KCNJ3: variants seen among roughly 807,000 people sequenced by gnomAD.
KCNJ3 encodes the protein G protein-activated inward rectifier potassium channel 1.
A neutral mutation model predicts 39.2 loss-of-function variants in KCNJ3; 4 were observed. The ratio of observed to expected loss-of-function variants is 0.10; its 90% CI spans 0.05 to 0.23. The LOEUF is 0.23. Ranked by LOEUF, KCNJ3 falls within the 10% of genes least tolerant of loss-of-function variation. The pLI, the probability that KCNJ3 is intolerant of heterozygous loss-of-function variation, is 1.00. For synonymous variants in KCNJ3, 230 were observed against 237.4 expected (o/e 0.97, Z 0.29); for missense variants, 276 against 634.9 (o/e 0.43, Z 6.08).
intron 2 of KCNJ3, among the ~76,000 whole-genome samples, chr2:154,744,204 A>T (rs4525644): frequency 6.6e-6 from 1 of 151,254 alleles, no homozygotes; most frequent in African/African-American, 2.4e-5. Context: ...CTTGGTTATG[A>T]TGTATAGTTC....
At chr2:154,835,564 T>C (rs551859334) in intron 2 of KCNJ3, among the ~76,000 whole-genome samples, 17 of 151,128 alleles carry the variant, frequency 1.1e-4, no homozygotes, top group Non-Finnish European at 2.2e-4. Flanking sequence ...TACCTGTGGA[T>C]AAGTTTGGCC....
At chr2:154,742,274 T>G (rs891698757) in intron 2 of KCNJ3, among the ~76,000 whole-genome samples, 3 of 151,870 alleles carry the variant, frequency 2.0e-5, no homozygotes, top group African/African-American at 7.2e-5. Context: ...ATTTTGCTTG[T>G]CTGTTGATAG....
At position 154,699,721 on chromosome 2, in the gene KCNJ3, C is replaced by T. The variant is rs1298895907; in HGVS notation, c.702+244C>T. The T allele has an allele frequency of 5.2e-6, 1 of 191,546 alleles. No homozygotes were observed. The highest frequency in any genetic ancestry group is 2.4e-5 in the African/African-American group (1 of 42,102). The allele number at this position is 191,546 out of a possible 1,614,324, so 11.9% of individuals were successfully genotyped here. On this transcript the variant is annotated intron_variant, in intron 1 of 2. Coordinates refer to ENST00000295101, the MANE Select transcript of KCNJ3 (RefSeq NM_002239.4). This position sits in a 1 kb window ranked among gnomAD's most constrained non-coding sequence, Gnocchi z 6.4. The stretch of plus-strand genomic sequence containing the variant: ...ATTTCGGATCTGCTTGTATCACTTA[C>T]TGGACTAGTAACACGTGAGGACTGC...
At chr2:154,794,876 A>T (rs201698704) in intron 2 of KCNJ3, among the ~76,000 whole-genome samples, 1 of 152,036 alleles carries the variant, frequency 6.6e-6, no homozygotes, top group East Asian at 1.9e-4. Flanking sequence ...AGTACTGAAC[A>T]TCCTTAAAAG....
chr2:154,736,115 T>TG (rs1685524364), intron 2 of KCNJ3, among the ~76,000 whole-genome samples: 1 of 152,094 alleles, frequency 6.6e-6, no homozygotes, highest in African/African-American at 2.4e-5. Flanking sequence ...TAATTATTCT[T>TG]GGAGTTTCTG....
chr2:154,736,374 TAAAAAAAAAAAAAAAAAAAAAAAAAA>T (rs70983745), intron 2 of KCNJ3, among the ~76,000 whole-genome samples: 5 of 93,240 alleles, frequency 5.4e-5, no homozygotes, highest in East Asian at 4.2e-4. Flanking sequence ...TCACTAGTTC[TAAAAAAAAAAAAAAAAAAAAAAAAAA>T]AAAAAAAAAA....
At chr2:154,721,123 A>T (rs781428695) in intron 2 of KCNJ3, among the ~76,000 whole-genome samples, 4 of 151,860 alleles carry the variant, frequency 2.6e-5, no homozygotes, top group Non-Finnish European at 5.9e-5. Flanking sequence ...TGTTAAACTC[A>T]TATGATTTAT....
chr2:154,747,482 T>A (rs1057348789), intron 2 of KCNJ3, among the ~76,000 whole-genome samples: 1 of 152,014 alleles, frequency 6.6e-6, no homozygotes, highest in Non-Finnish European at 1.5e-5. Flanking sequence ...TTTGTTAGTG[T>A]GGACCCATTA....
intron 2 of KCNJ3, among the ~76,000 whole-genome samples, chr2:154,710,250 A>G (rs558068533): frequency 5.9e-5 from 9 of 152,210 alleles, no homozygotes; most frequent in Non-Finnish European, 7.4e-5. Context: ...GATATCCACT[A>G]TGTGCAACCT....
intron 2 of KCNJ3, among the ~76,000 whole-genome samples, chr2:154,727,712 T>C (rs1685384377): frequency 6.6e-6 from 1 of 151,862 alleles, no homozygotes; most frequent in South Asian, 2.1e-4. Context: ...AAAAAATTGC[T>C]TAGATTGAAA....
Position 154,855,384 on chromosome 2 carries a change from C to A in KCNJ3, c.*71C>A. On this transcript the variant is annotated 3_prime_UTR_variant, in exon 3 of 3. Coordinates refer to ENST00000295101, the MANE Select transcript of KCNJ3 (RefSeq NM_002239.4). Reference sequence around the variant, plus strand: ...TCCAATATTTGGCGATGAGGTAATTCTCCCTAAGGAATCTGAAAGTATATT... The same window carrying A: ...TCCAATATTTGGCGATGAGGTAATTATCCCTAAGGAATCTGAAAGTATATT... 1 of 1,007,128 alleles carries A rather than the reference C, an allele frequency of 9.9e-7. No homozygotes were observed. Among genetic ancestry groups the A allele is most frequent in the Non-Finnish European group, 1.4e-6 (1 of 692,942 alleles). The allele number at this position is 1,007,128 out of a possible 1,614,324, so 62.4% of individuals were successfully genotyped here.
intron 2 of KCNJ3, among the ~76,000 whole-genome samples, chr2:154,752,495 AT>A (rs1685863814): frequency 1.3e-5 from 2 of 152,066 alleles, no homozygotes; most frequent in South Asian, 4.1e-4. Context: ...ACAAAACTCT[AT>A]AAGCTAGTAA....
chr2:154,804,691 A>T (rs974475599), intron 2 of KCNJ3, among the ~76,000 whole-genome samples: 1 of 152,148 alleles, frequency 6.6e-6, no homozygotes, highest in African/African-American at 2.4e-5. Context: ...GTATTGACAG[A>T]TACTCCAAGA....
intron 2 of KCNJ3, among the ~76,000 whole-genome samples, chr2:154,731,988 T>C (rs1037228180): frequency 6.6e-6 from 1 of 152,006 alleles, no homozygotes; most frequent in African/African-American, 2.4e-5. Context: ...ACACCTTTTG[T>C]TTACTCACAC....
chr2:154,795,973 G>A (rs1686712812), intron 2 of KCNJ3, among the ~76,000 whole-genome samples: 2 of 152,060 alleles, frequency 1.3e-5, no homozygotes, highest in Admixed American at 6.6e-5. Context: ...TTGTAGAATA[G>A]TTCACAGAAT....
intron 2 of KCNJ3, among the ~76,000 whole-genome samples, chr2:154,730,721 G>A (rs1407388385): frequency 6.6e-6 from 1 of 151,858 alleles, no homozygotes; most frequent in Non-Finnish European, 1.5e-5. Context: ...AAATTTTATT[G>A]TAACCTTAAT....
intron 2 of KCNJ3, among the ~76,000 whole-genome samples, chr2:154,842,635 G>A (rs1687593808): frequency 6.6e-6 from 1 of 152,194 alleles, no homozygotes; most frequent in African/African-American, 2.4e-5. Context: ...TGTATTGGGT[G>A]CATATATATT....
chr2:154,751,639 G>C lies in KCNJ3; in HGVS notation c.919+41820G>C, dbSNP rs539311901. Among the ~76,000 whole-genome samples the C allele has an allele frequency of 2.0e-5, 3 of 152,088 alleles. No homozygotes were observed. In the South Asian group the frequency reaches 6.2e-4, roughly 32 times the overall value. On this transcript the variant is annotated intron_variant, in intron 2 of 2. Transcript: ENST00000295101. ...AATAATTATATCCTCTAGAAAGAAA[G>C]GTTTTATTTATTTCTATTATAGTAG...
intron 2 of KCNJ3, among the ~76,000 whole-genome samples, chr2:154,842,757 T>A (rs1418748279): frequency 1.3e-5 from 2 of 152,192 alleles, no homozygotes; most frequent in African/African-American, 4.8e-5. Flanking sequence ...AGACTAGGAT[T>A]GCAACACCTG....
Sources: gnomAD v4.1 joint callset for allele counts (sites outside exome capture counted in the v4.1 genomes callset) on GRCh38, gnomAD v4.1.1 for gene constraint, Gnocchi (gnomAD v3.1) non-coding constraint, MANE v1.5 for transcripts, NCBI Gene and HGNC (gene_info 2026-07-23, HGNC 2026-07-21) for gene names.